The following SV2C variants were observed in gnomAD, a reference collection of about 807,000 sequenced individuals.
The protein encoded by SV2C is synaptic vesicle glycoprotein 2C, also known as solute carrier family 22 member B3.
SV2C carries 49 observed loss-of-function variants against 79.7 expected under a neutral mutation model. The ratio of observed to expected loss-of-function variants is 0.61; its 90% CI spans 0.49 to 0.78. SV2C has a LOEUF of 0.78. SV2C is among the 30% of genes least tolerant of loss of function. The probability of loss-of-function intolerance (pLI) is 0.00; values close to 1 mark genes in which losing one functional copy is unlikely to be tolerated. For missense variants in SV2C, 833 were observed against 912.9 expected, an observed-to-expected ratio of 0.91 and a Z score of 1.13; for synonymous variants, 334 against 333.2, an observed-to-expected ratio of 1.00 and a Z score of -0.03.
the SV2C span, among the ~76,000 whole-genome samples, chr5:75,967,104 T>A: frequency 6.6e-6 from 1 of 151,960 alleles, no homozygotes; most frequent in Admixed American, 6.6e-5. Flanking sequence ...GAGGCTGAAG[T>A]AAGAGGATTG....
intron 2 of SV2C, among the ~76,000 whole-genome samples, chr5:76,148,899 T>C (rs947594771): frequency 6.6e-6 from 1 of 152,236 alleles, no homozygotes; most frequent in Non-Finnish European, 1.5e-5. Context: ...TAGATTGTTT[T>C]AAACGTCTTT....
the SV2C span, among the ~76,000 whole-genome samples, chr5:75,902,044 G>A: frequency 6.6e-6 from 1 of 152,160 alleles, no homozygotes; most frequent in Non-Finnish European, 1.5e-5. Context: ...CACTTCCTGA[G>A]TGAGGCAATG....
intron 4 of SV2C, among the ~76,000 whole-genome samples, chr5:76,247,177 A>G (rs962831789): frequency 1.2e-4 from 19 of 152,212 alleles, no homozygotes; most frequent in Admixed American, 3.9e-4. Context: ...CACCTTGAAG[A>G]AGGACTAACT....
chr5:76,314,462 C>A (rs971844437), intron 12 of SV2C, among the ~76,000 whole-genome samples: 6 of 150,344 alleles, frequency 4.0e-5, no homozygotes, highest in Non-Finnish European at 7.4e-5. Context: ...GAGGAAAGCA[C>A]TGATCTAGGG....
the SV2C span, among the ~76,000 whole-genome samples, chr5:75,878,170 G>A: frequency 7.2e-5 from 11 of 152,096 alleles, no homozygotes; most frequent in Non-Finnish European, 1.5e-5. Context: ...AGATGGGTAG[G>A]AAAGGAAGTT....
chr5:76,248,884 G>T (rs142256361), intron 4 of SV2C, among the ~76,000 whole-genome samples: 5 of 152,246 alleles, frequency 3.3e-5, no homozygotes, highest in African/African-American at 1.2e-4. Flanking sequence ...CTCCCAAAGT[G>T]CTGGAATTAC....
intron 12 of SV2C, among the ~76,000 whole-genome samples, chr5:76,316,567 G>C (rs1419371287): frequency 6.6e-6 from 1 of 152,144 alleles, no homozygotes; most frequent in Non-Finnish European, 1.5e-5. Flanking sequence ...ATCCTAGGTT[G>C]AAAACACCTG....
chr5:76,298,379 G>A (rs1157180348), intron 9 of SV2C, among the ~76,000 whole-genome samples: 1 of 152,096 alleles, frequency 6.6e-6, no homozygotes, highest in Non-Finnish European at 1.5e-5. Flanking sequence ...GATCGGGTAG[G>A]AGGACATCCT....
At chr5:75,982,328 G>C in the SV2C span, among the ~76,000 whole-genome samples, 1 of 151,536 alleles carries the variant, frequency 6.6e-6, no homozygotes. Flanking sequence ...CTTCTCAAAA[G>C]AAGACATACA....
chr5:76,251,541 A>T lies in SV2C; in HGVS notation c.914-33621A>T, dbSNP rs138225806. Among the ~76,000 whole-genome samples, 411 of 152,182 alleles carry T rather than the reference A, an allele frequency of 2.7e-3. 3 individuals are homozygous for T. The highest frequency in any genetic ancestry group is 9.5e-3 in the African/African-American group (393 of 41,510). On this transcript the variant is annotated intron_variant, in intron 4 of 12. Transcript: ENST00000502798. ...CCTCCAGCCTGGACAACAGTGTGAG[A>T]CCCTGTCTCAAAAAACAAACAAAAT...
chr5:76,177,767 C>A (rs1025136361), intron 2 of SV2C, among the ~76,000 whole-genome samples: 1 of 151,910 alleles, frequency 6.6e-6, no homozygotes, highest in Non-Finnish European at 1.5e-5. Context: ...CTAGGTGATT[C>A]TTCTGTTCTT....
the SV2C span, among the ~76,000 whole-genome samples, chr5:75,933,775 TTCTG>T: frequency 2.6e-5 from 4 of 152,186 alleles, no homozygotes; most frequent in Non-Finnish European, 5.9e-5. Flanking sequence ...TGCTCCAGTT[TTCTG>T]TCTATCATCT....
At chr5:76,281,616 G>A (rs775446007) in intron 4 of SV2C, among the ~76,000 whole-genome samples, 6 of 152,128 alleles carry the variant, frequency 3.9e-5, no homozygotes, top group Non-Finnish European at 7.4e-5. Context: ...AAACGGATTC[G>A]CAGGGCTTCT....
At position 76,124,641 on chromosome 5, in the gene SV2C, C is replaced by T. The variant is rs531890609; in HGVS notation, c.-101-7009C>T. 3.3e-5 allele frequency among the ~76,000 whole-genome samples: 5 copies of T among 152,244 alleles called. No individual in the cohort carries two copies. In the South Asian group the frequency reaches 1.0e-3, roughly 32 times the overall value. On this transcript the variant is annotated intron_variant, in intron 1 of 12. Transcript: ENST00000502798. ...TGTGTCTATACCTAGAGGTGGAATT[C>T]CTAGATTATATGGTAATTCTATTTT... is the stretch of plus-strand genomic sequence containing the variant.
At chr5:76,062,608 G>A in the SV2C span, among the ~76,000 whole-genome samples, 1 of 151,328 alleles carries the variant, frequency 6.6e-6, no homozygotes, top group Admixed American at 6.6e-5. Context: ...TCGATATCAG[G>A]GTTTGGTTGT....
chr5:75,943,402 C>A, the SV2C span, among the ~76,000 whole-genome samples: 3 of 152,144 alleles, frequency 2.0e-5, no homozygotes, highest in African/African-American at 7.2e-5. Flanking sequence ...GAAGACATGT[C>A]TTTTCTGCTT....
the SV2C span, among the ~76,000 whole-genome samples, chr5:75,874,935 A>G: frequency 1.3e-5 from 2 of 152,190 alleles, no homozygotes; most frequent in African/African-American, 2.4e-5. Flanking sequence ...AAAACATTCC[A>G]TGCTCATGGA....
At chr5:76,076,757 C>T in the SV2C span, among the ~76,000 whole-genome samples, 3 of 152,188 alleles carry the variant, frequency 2.0e-5, no homozygotes, top group Non-Finnish European at 4.4e-5. Context: ...TAGCCACATT[C>T]TCTTGCTTTA....
intron 12 of SV2C, among the ~76,000 whole-genome samples, chr5:76,340,833 C>T (rs553302490): frequency 6.6e-6 from 1 of 152,108 alleles, no homozygotes; most frequent in African/African-American, 2.4e-5. Context: ...TGGTCTCGAA[C>T]TCCTAGGCTC....
Sources: gnomAD v4.1 joint callset for allele counts (sites outside exome capture counted in the v4.1 genomes callset) on GRCh38, gnomAD v4.1.1 for gene constraint, MANE v1.5 for transcripts, NCBI Gene and HGNC (gene_info 2026-07-23, HGNC 2026-07-21) for gene names.